The following GFPT2 variants were observed in gnomAD, a reference collection of about 807,000 sequenced individuals.
GFPT2 encodes the protein glutamine--fructose-6-phosphate transaminase 2.
GFPT2 carries 62 observed loss-of-function variants against 85.6 expected under a neutral mutation model. The ratio of observed to expected loss-of-function variants is 0.72; its 90% CI spans 0.59 to 0.90. The LOEUF (loss-of-function observed/expected upper bound fraction) is 0.90, where lower values mean the gene tolerates loss of function less well. Among genes scored for constraint, GFPT2 ranks in the 40% least tolerant of loss-of-function variants. GFPT2 has a pLI of 0.00. For synonymous variants in GFPT2, 368 were observed against 344.5 expected, an observed-to-expected ratio of 1.07 and a Z score of -0.75; for missense variants, 788 against 893.4, an observed-to-expected ratio of 0.88 and a Z score of 1.50.
chr5:180,337,193 G>A (rs755112302), intron 2 of GFPT2, among the ~76,000 whole-genome samples: 6 of 152,224 alleles, frequency 3.9e-5, no homozygotes, highest in Non-Finnish European at 8.8e-5. Context: ...GGTGGCTCAC[G>A]CCTGTAATCC....
At chr5:180,315,715 A>T (rs1763994081) in intron 13 of GFPT2, among the ~76,000 whole-genome samples, 1 of 152,238 alleles carries the variant, frequency 6.6e-6, no homozygotes. Flanking sequence ...ATCTTCCACG[A>T]GCTCAAGGAG....
intron 15 of GFPT2, among the ~76,000 whole-genome samples, chr5:180,310,894 G>A (rs1664933217): frequency 7.1e-6 from 1 of 141,514 alleles, no homozygotes; most frequent in Non-Finnish European, 1.5e-5. Flanking sequence ...ATTACTATGT[G>A]AACAATTTTG....
chr5:180,308,218 G>T (rs536558044), intron 15 of GFPT2, among the ~76,000 whole-genome samples: 56 of 151,384 alleles, frequency 3.7e-4, no homozygotes, highest in East Asian at 2.5e-3. Flanking sequence ...ATGGCACCAC[G>T]GCACTCCAGC....
At chr5:180,347,452 T>C (rs2127658450) in intron 1 of GFPT2, among the ~76,000 whole-genome samples, 1 of 152,006 alleles carries the variant, frequency 6.6e-6, no homozygotes. Context: ...ATAGATAAAA[T>C]GAACCGGGAA....
chr5:180,309,319 T>C (rs1275129255), intron 15 of GFPT2, among the ~76,000 whole-genome samples: 2 of 152,242 alleles, frequency 1.3e-5, no homozygotes, highest in African/African-American at 4.8e-5. Flanking sequence ...AGCTGATTTT[T>C]CATTTTGAGA....
Position 180,330,563 on chromosome 5 carries a change from A to G in GFPT2, c.534+137T>C. 1 of 686,062 alleles carries G rather than the reference A, an allele frequency of 1.5e-6. No homozygotes were observed. The highest frequency in any genetic ancestry group is 1.9e-5 in the South Asian group (1 of 53,646). 42.5% of individuals were successfully genotyped at this position (686,062 alleles called of 1,614,324 possible). ...AGGCTCTGCAGATGGGCTGTCTTTT[A>G]TCCCCAGGACTCTGTGCAAGTTTGT... On this transcript the variant is annotated intron_variant, in intron 6 of 18. Coordinates refer to ENST00000253778, the MANE Select transcript of GFPT2 (RefSeq NM_005110.4). This position sits in a 1 kb window ranked among gnomAD's most constrained non-coding sequence, Gnocchi z 4.4.
At chr5:180,338,342 T>C in intron 2 of GFPT2, 151 bp downstream of exon 2, 1 of 480,772 alleles carries the variant, frequency 2.1e-6, no homozygotes. Flanking sequence ...CGAATTTCTT[T>C]AACGGACAAG....
Position 180,313,975 on chromosome 5 carries a change from G to C in GFPT2, c.1274-11C>G, listed in dbSNP as rs774769824. ...TGTCCGCGGTCTCGCCTGCCGCCCA[G>C]GGGCCCTCTCAGTGCCGCGCTCCGC... On this transcript the variant is annotated splice_polypyrimidine_tract_variant and intron_variant, in intron 13 of 18. Transcript: ENST00000253778. The C allele has an allele frequency of 6.3e-7, 1 of 1,588,800 alleles. No homozygotes were observed. Among genetic ancestry groups the C allele is most frequent in the Non-Finnish European group, 8.5e-7 (1 of 1,174,252 alleles).
At chr5:180,305,525 C>T (rs959857669) in intron 16 of GFPT2, among the ~76,000 whole-genome samples, 19 of 152,322 alleles carry the variant, frequency 1.2e-4, no homozygotes, top group African/African-American at 2.9e-4. Flanking sequence ...CTCGACTCCC[C>T]GCTAGCACTG....
rs749371925 is a variant in GFPT2, at chr5:180,336,350, C to T, written c.214+129G>A. 1.0e-4 allele frequency: 76 copies of T among 737,568 alleles called. No individual in the cohort carries two copies. The Middle Eastern group carries it at 1.1e-3, about 10-fold the overall frequency. 45.7% of individuals were successfully genotyped at this position (737,568 alleles called of 1,614,324 possible). ...GCGAAGCCCGGTTTTACAGCACGGG[C>T]TTAGCCCTCCCTCTGTTTATCTGAG... On this transcript the variant is annotated intron_variant, in intron 3 of 18. Transcript: ENST00000253778.
chr5:180,308,266 AAAG>A (rs1407135629), intron 15 of GFPT2, among the ~76,000 whole-genome samples: 2 of 152,104 alleles, frequency 1.3e-5, no homozygotes, highest in African/African-American at 2.4e-5. Flanking sequence ...GAAAAAAAAA[AAAG>A]AAGAAAAAGA....
intron 1 of GFPT2, among the ~76,000 whole-genome samples, chr5:180,342,406 T>A (rs1014630028): frequency 1.4e-3 from 165 of 114,994 alleles, no homozygotes; most frequent in Non-Finnish European, 4.1e-4. Flanking sequence ...TTAGGTGAAA[T>A]GTTTTTTTTT....
intron 15 of GFPT2, among the ~76,000 whole-genome samples, chr5:180,310,123 A>G (rs1416412268): frequency 6.7e-6 from 1 of 148,478 alleles, no homozygotes; most frequent in East Asian, 2.0e-4. Context: ...TCTTTTTGAG[A>G]TGAAGTCTCG....
rs11747298 is a variant in GFPT2, at chr5:180,318,779, T to C, written c.958+14A>G. On this transcript the variant is annotated intron_variant, in intron 10 of 18. Transcript: ENST00000253778. This position sits in a 1 kb window ranked among gnomAD's most constrained non-coding sequence, Gnocchi z 4.2. ...TCCCGAGGCTGCCGCACGTGGACTC[T>C]GGAGGACACCTGCCTTTCATGATTT... 1.5e-5 allele frequency: 24 copies of C among 1,612,102 alleles called. No homozygotes were observed. Among genetic ancestry groups the C allele is most frequent in the African/African-American group, 2.7e-5 (2 of 74,902 alleles).
At chr5:180,345,980 A>G (rs1764600043) in intron 1 of GFPT2, among the ~76,000 whole-genome samples, 1 of 149,622 alleles carries the variant, frequency 6.7e-6, no homozygotes, top group South Asian at 2.1e-4. Context: ...CCCGCACAAC[A>G]CCCCCGGCCC....
chr5:180,328,875 G>A lies in GFPT2; in HGVS notation c.535-537C>T, dbSNP rs1581381450. 6.6e-6 allele frequency among the ~76,000 whole-genome samples: 1 copy of A among 152,334 alleles called. No individual in the cohort carries two copies. The highest frequency in any genetic ancestry group is 3.4e-3 in the Middle Eastern group (1 of 294). On this transcript the variant is annotated intron_variant, in intron 6 of 18. Coordinates refer to ENST00000253778, the MANE Select transcript of GFPT2 (RefSeq NM_005110.4). This position sits in a 1 kb window ranked among gnomAD's most constrained non-coding sequence, Gnocchi z 5.4. ...GCTTCCGTGACGATGATAAGCTAAT[G>A]CACTGAGCCTGGCATCCGGAGACCC...
At position 180,312,355 on chromosome 5, in the gene GFPT2, G is replaced by A. The variant is rs1181243032; in HGVS notation, c.1546+75C>T. 4.9e-6 allele frequency: 4 copies of A among 813,542 alleles called. No individual in the cohort carries two copies. The Admixed American group carries it at 5.2e-5, about 11-fold the overall frequency. The allele number at this position is 813,542 out of a possible 1,614,324, so 50.4% of individuals were successfully genotyped here. On this transcript the variant is annotated intron_variant, in intron 15 of 18. Transcript: ENST00000253778. ...AAGAAATGAACAACATCCTGTACAG[G>A]TGAGAGTCAACAGAGAATGGCCAGC...
chr5:180,352,248 A>G (rs1475133897), intron 1 of GFPT2: 8 of 358,774 alleles, frequency 2.2e-5, no homozygotes, highest in Non-Finnish European at 1.1e-5. Flanking sequence ...GGCCCTCAGC[A>G]AAGTCAGAGA....
In GFPT2 at chr5:180,317,033, C is replaced by T. The variant is rs777633143; in HGVS notation, c.984G>A (p.Lys328=). Residue 328 remains lysine (K), a synonymous_variant, in exon 11 of 19, where the codon AAG becomes AAA. Transcript: ENST00000253778. ...CTGATTCTGGCTGTTCGAAGATCTC[C>T]TTCTGCATAAACGCACTGAAGTTAC... The part of the protein sequence containing the change: ...MKGNFSAFMQ[K]EIFEQPESVF... 17 of 1,609,968 alleles carry T rather than the reference C, an allele frequency of 1.1e-5. No individual in the cohort carries two copies. The East Asian group carries it at 3.6e-4, about 34-fold the overall frequency.
Sources: gnomAD v4.1 joint callset for allele counts (sites outside exome capture counted in the v4.1 genomes callset) on GRCh38, gnomAD v4.1.1 for gene constraint, Gnocchi (gnomAD v3.1) non-coding constraint, MANE v1.5 for transcripts, NCBI Gene and HGNC (gene_info 2026-07-23, HGNC 2026-07-21) for gene names.